Variants in PCDHA2 observed in about 807,000 individuals in gnomAD.
PCDHA2 encodes protocadherin alpha 2, also known as protocadherin alpha-2.
PCDHA2 carries 58 observed loss-of-function variants against 66.0 expected under a neutral mutation model. The observed-to-expected ratio is 0.88, with a 90% CI of 0.71 to 1.09. The LOEUF is 1.09. Ranked by LOEUF, PCDHA2 falls within the 50% of genes least tolerant of loss-of-function variation. The pLI is 0.00. For missense variants in PCDHA2, 1,267 were observed against 1,242.3 expected (o/e 1.02, Z -0.30); for synonymous variants, 634 against 554.0 (o/e 1.14, Z -2.03).
intron 1 of PCDHA2, among the ~76,000 whole-genome samples, chr5:140,938,949 G>A (rs943956831): frequency 6.6e-6 from 1 of 152,028 alleles, no homozygotes; most frequent in Non-Finnish European, 1.5e-5. Flanking sequence ...TTCTTATAAT[G>A]CTCTAGTCGG....
At chr5:140,814,217 T>G (rs1336263744) in intron 1 of PCDHA2, 1 of 136,188 alleles carries the variant, frequency 7.3e-6, no homozygotes, top group African/African-American at 3.7e-5. Flanking sequence ...TTACTTAGTG[T>G]TTTTTTTTGT....
rs149846721 is a variant in PCDHA2 at position 140,856,069 on chromosome 5, C to T, written c.2388+58717C>T. ...ATAAGATGGTTTCCAGATGTAGCTG[C>T]CTGGGGGTCCAGTGTCTGCTGCTCT... is the stretch of plus-strand genomic sequence containing the variant. On this transcript the variant is annotated intron_variant, in intron 1 of 3. Transcript: ENST00000526136. 2.1e-5 allele frequency: 33 copies of T among 1,591,484 alleles called. 2 individuals carry two copies. In the African/African-American group the frequency reaches 3.4e-4, roughly 16 times the overall value.
chr5:140,797,176 A>C lies in PCDHA2; in HGVS notation c.2212A>C (p.Thr738Pro), dbSNP rs532139420. Reference protein sequence around the residue: ...TEGARAPGKPTLVCSSAVGSW... With the variant: ...TEGARAPGKPPLVCSSAVGSW... ...GGGTGCGCGCGCGCCAGGAAAGCCC[A>C]CGCTGGTGTGCTCCAGCGCCGTGGG... The change falls in exon 1 of 4, where the codon ACG (threonine) becomes CCG (proline). Residue 738 changes from threonine to proline, a missense_variant. By Grantham distance (38) the Thr-to-Pro change is conservative (BLOSUM62 -1). Transcript: ENST00000526136. 6.2e-7 allele frequency: 1 copy of C among 1,614,082 alleles called. No individual in the cohort carries two copies. Among genetic ancestry groups the C allele is most frequent in the East Asian group, 2.2e-5 (1 of 44,862 alleles).
In PCDHA2 at chr5:141,011,225, A is replaced by G. The variant is rs962544716; in HGVS notation, c.*1288A>G. ...ATACAGTGAGCAGATTTTTCAATCT[A>G]CTAATTCTGTGACTTGTCTTGGTGT... On this transcript the variant is annotated 3_prime_UTR_variant, in exon 4 of 4. Transcript: ENST00000526136. 6.5e-6 allele frequency: 1 copy of G among 153,740 alleles called. No homozygotes were observed. Among genetic ancestry groups the G allele is most frequent in the South Asian group, 2.1e-4 (1 of 4,826 alleles). The allele number at this position is 153,740 out of a possible 1,614,324, so 9.5% of individuals were successfully genotyped here.
At chr5:140,802,968 G>A (rs782761119) in intron 1 of PCDHA2, 1 of 1,614,000 alleles carries the variant, frequency 6.2e-7, no homozygotes, top group Non-Finnish European at 8.5e-7. Flanking sequence ...GGGCCACGTG[G>A]TAGCGAAGGT....
rs2150368391 is a variant in PCDHA2 at position 140,844,038 on chromosome 5, G to A, written c.2388+46686G>A. On this transcript the variant is annotated intron_variant, in intron 1 of 3. Transcript: ENST00000526136. ...CGTTCAGGGCATTTTGATCTTTGGT[G>A]AAAGTATTCCCCCAAAGCGTTTATT... 1.1e-4 allele frequency among the ~76,000 whole-genome samples: 17 copies of A among 149,594 alleles called. 2 individuals are homozygous for A. Among genetic ancestry groups the A allele is most frequent in the South Asian group, 2.1e-4 (1 of 4,726 alleles).
rs782525734 is a variant in PCDHA2 at position 140,884,093 on chromosome 5, T to A, written c.2388+86741T>A. 3.1e-6 allele frequency: 5 copies of A among 1,613,500 alleles called. No homozygotes were observed. In the Admixed American group the frequency reaches 8.3e-5, roughly 27 times the overall value. ...TTCGGGCTACAATGCGTGGCTTTCGTATGAATTGCAGCTGGCGGCGGTCGG... is the reference window on the plus strand; with the variant it reads ...TTCGGGCTACAATGCGTGGCTTTCGAATGAATTGCAGCTGGCGGCGGTCGG... On this transcript the variant is annotated intron_variant, in intron 1 of 3. Coordinates refer to ENST00000526136, the MANE Select transcript of PCDHA2 (RefSeq NM_018905.3).
At chr5:140,877,593 G>A in intron 1 of PCDHA2, 2 of 1,613,854 alleles carry the variant, frequency 1.2e-6, no homozygotes, top group Non-Finnish European at 1.7e-6. Context: ...TCTGTGCGGT[G>A]TCCAGCCTGC....
At chr5:140,842,758 G>A (rs1778250066) in intron 1 of PCDHA2, 3 of 1,594,690 alleles carry the variant, frequency 1.9e-6, no homozygotes, top group Non-Finnish European at 1.7e-6. Context: ...CGGTGTCTGC[G>A]CGAGACGCGG....
intron 1 of PCDHA2, chr5:140,842,521 C>T (rs2150337974): frequency 1.9e-6 from 3 of 1,613,508 alleles, no homozygotes; most frequent in East Asian, 4.5e-5. Context: ...TGGTGTCCAC[C>T]TTCAAGAATT....
intron 3 of PCDHA2, among the ~76,000 whole-genome samples, chr5:140,983,980 G>A (rs1169839423): frequency 6.6e-6 from 1 of 152,286 alleles, no homozygotes; most frequent in African/African-American, 2.4e-5. Flanking sequence ...AAATATACGA[G>A]TTGAAGCAAT....
chr5:140,925,647 A>AATAATAATC (rs1477954591), intron 1 of PCDHA2, among the ~76,000 whole-genome samples: 5 of 123,794 alleles, frequency 4.0e-5, no homozygotes, highest in Non-Finnish European at 7.0e-5. Flanking sequence ...AAAGTATAAT[A>AATAATAATC]ATAATAATAA....
intron 1 of PCDHA2, chr5:140,870,277 G>A: frequency 6.2e-7 from 1 of 1,614,168 alleles, no homozygotes; most frequent in Non-Finnish European, 8.5e-7. Context: ...GACGCCCCAC[G>A]TTCCCTTCAA....
rs782651384 is a variant in PCDHA2 at position 140,835,888 on chromosome 5, G to A, written c.2388+38536G>A. On this transcript the variant is annotated intron_variant, in intron 1 of 3. Coordinates refer to ENST00000526136, the MANE Select transcript of PCDHA2 (RefSeq NM_018905.3). ...CTGGTGGAGCTGCGGGTGGGCGAGC[G>A]CGCGCTGTCGAGCTACGTGTCAGTG... is the stretch of plus-strand genomic sequence containing the variant. 1.2e-6 allele frequency: 2 copies of A among 1,611,826 alleles called. 1 individual carries two copies. Among genetic ancestry groups the A allele is most frequent in the Non-Finnish European group, 1.7e-6 (2 of 1,179,634 alleles).
chr5:140,930,411 A>C (rs1554207797), intron 1 of PCDHA2: 2 of 149,218 alleles, frequency 1.3e-5, no homozygotes, highest in African/African-American at 2.5e-5. Context: ...TTTTTGAGAC[A>C]GGGGTCTCAC....
intron 1 of PCDHA2, chr5:140,858,095 G>C: frequency 1.3e-6 from 2 of 1,597,916 alleles, no homozygotes; most frequent in Non-Finnish European, 1.7e-6. Context: ...GCGGGCTTCA[G>C]TGGGCGTGGC....
At chr5:140,948,764 G>A (rs962710607) in intron 1 of PCDHA2, among the ~76,000 whole-genome samples, 11 of 150,728 alleles carry the variant, frequency 7.3e-5, no homozygotes, top group East Asian at 3.9e-4. Context: ...GATTTTTTTC[G>A]AATAGCCAGC....
At position 140,850,022 on chromosome 5, in the gene PCDHA2, A is replaced by G. The variant is rs201141536; in HGVS notation, c.2388+52670A>G. The stretch of plus-strand genomic sequence containing the variant: ...AGCGCTCGCTGTCGAGCTACGTGTC[A>G]GTGCACGCGGAGAGCGGCAAGGTGT... On this transcript the variant is annotated intron_variant, in intron 1 of 3. Transcript: ENST00000526136. 38 of 1,596,678 alleles carry G rather than the reference A, an allele frequency of 2.4e-5. 5 individuals are homozygous for G. The highest frequency in any genetic ancestry group is 7.7e-5 in the South Asian group (7 of 90,486).
chr5:140,822,083 T>C, intron 1 of PCDHA2: 3 of 1,614,220 alleles, frequency 1.9e-6, no homozygotes, highest in Non-Finnish European at 2.5e-6. Context: ...GAGTGCAGCA[T>C]CCACCTGGAG....
Sources: allele counts gnomAD v4.1 joint callset (sites outside exome capture counted in the v4.1 genomes callset), GRCh38; gene constraint gnomAD v4.1.1; transcripts MANE v1.5; gene names NCBI Gene and HGNC (gene_info 2026-07-23, HGNC 2026-07-21).